Variants in PHF12 observed in about 807,000 individuals in gnomAD.
The protein encoded by PHF12 is PHD finger protein 12.
PHF12 carries 6 observed loss-of-function variants against 99.8 expected under a neutral mutation model. The ratio of observed to expected loss-of-function variants is 0.06; its 90% CI spans 0.03 to 0.12. The LOEUF is 0.12. Among genes scored for constraint, PHF12 ranks in the 10% least tolerant of loss-of-function variants. The probability of loss-of-function intolerance (pLI) is 1.00; values close to 1 mark genes in which losing one functional copy is unlikely to be tolerated. For missense variants in PHF12, 954 were observed against 1,300.1 expected, an observed-to-expected ratio of 0.73 and a Z score of 4.09; for synonymous variants, 480 against 514.9, an observed-to-expected ratio of 0.93 and a Z score of 0.92.
chr17:28,918,934 C>T (rs1270129429), intron 6 of PHF12, among the ~76,000 whole-genome samples: 2 of 152,196 alleles, frequency 1.3e-5, no homozygotes, highest in African/African-American at 4.8e-5. Context: ...TGAGTTAAGT[C>T]TGTATGGGCA....
In PHF12 at chr17:28,950,773, T is replaced by G; in HGVS notation, c.66+122A>C. The G allele has an allele frequency of 3.6e-6, 5 of 1,393,892 alleles. No individual in the cohort carries two copies. The highest frequency in any genetic ancestry group is 2.6e-5 in the East Asian group (1 of 38,784). The allele number at this position is 1,393,892 out of a possible 1,614,324, so 86.3% of individuals were successfully genotyped here. Reference sequence around the variant, plus strand: ...GCAAAGAGGGGAGGGAGAGGCTAGGTGAGGAAGAATCCCCCTCCCTCGGCC... The same window carrying G: ...GCAAAGAGGGGAGGGAGAGGCTAGGGGAGGAAGAATCCCCCTCCCTCGGCC... On this transcript the variant is annotated intron_variant, in intron 1 of 14. Transcript: ENST00000332830. This position sits in a 1 kb window ranked among gnomAD's most constrained non-coding sequence, Gnocchi z 5.7.
In PHF12 at chr17:28,949,903, C is replaced by T; in HGVS notation, c.248+162G>A. 1 of 795,208 alleles carries T rather than the reference C, an allele frequency of 1.3e-6. No individual in the cohort carries two copies. The allele number at this position is 795,208 out of a possible 1,614,324, so 49.3% of individuals were successfully genotyped here. A position where few individuals can be genotyped will look rare whatever the true frequency, so the allele number is the denominator to read the frequency against. The stretch of plus-strand genomic sequence containing the variant: ...CTCCTCCCCGCTAAACTGCCAGAAC[C>T]CGGCGGACACCTGGGGGCGGGGAGG... On this transcript the variant is annotated intron_variant, in intron 2 of 14. Transcript: ENST00000332830. This position sits in a 1 kb window ranked among gnomAD's most constrained non-coding sequence, Gnocchi z 4.6.
At chr17:28,910,906 A>T in intron 10 of PHF12, 1 of 622,268 alleles carries the variant, frequency 1.6e-6, no homozygotes, top group Non-Finnish European at 2.7e-6. Flanking sequence ...TTATGTGTAT[A>T]TGCACATGTA....
intron 11 of PHF12, 41 bp downstream of exon 11, chr17:28,910,185 G>A: frequency 2.5e-6 from 4 of 1,613,918 alleles, no homozygotes; most frequent in Non-Finnish European, 3.4e-6. Flanking sequence ...ACACGTAGAG[G>A]GGAGATCTGA....
chr17:28,906,468 G>C lies in PHF12; in HGVS notation c.2730C>G (p.Ala910=). 1.2e-6 allele frequency: 2 copies of C among 1,613,248 alleles called. No homozygotes were observed. Among genetic ancestry groups the C allele is most frequent in the South Asian group, 1.1e-5 (1 of 91,044 alleles). The part of the protein sequence containing the change: ...KQDEEPSEEA[A]MMSSQAQGPQ... The stretch of plus-strand genomic sequence containing the variant: ...GCCCCTGGGCCTGGGAACTCATCAT[G>C]GCTGCCTCCTCACTTGGCTCTTCGT... The change falls in exon 15 of 15, where the codon GCC becomes GCG. Residue 910 remains alanine, a synonymous_variant. Transcript: ENST00000332830. This position sits in a 1 kb window ranked among gnomAD's most constrained non-coding sequence, Gnocchi z 4.2.
chr17:28,910,260 T>C lies in PHF12; in HGVS notation c.2325A>G (p.Thr775=), dbSNP rs141830757. 1 of 1,614,088 alleles carries C rather than the reference T, an allele frequency of 6.2e-7. No individual in the cohort carries two copies. The highest frequency in any genetic ancestry group is 1.3e-5 in the African/African-American group (1 of 74,932). ...RVQPSPGSVG[T]HQLASGGHHI... is the part of the protein sequence containing the mutation. Reference sequence around the variant, plus strand: ...GGTGCCCTCCAGAAGCCAGCTGATGTGTCCCGACACTGCCCGGTGAAGGTT... The same window carrying C: ...GGTGCCCTCCAGAAGCCAGCTGATGCGTCCCGACACTGCCCGGTGAAGGTT... Residue 775 remains threonine (T), a synonymous_variant, in exon 11 of 15, where the codon ACA becomes ACG. Coordinates refer to ENST00000332830, the MANE Select transcript of PHF12 (RefSeq NM_001033561.2).
chr17:28,930,865 G>A (rs2040386443), intron 2 of PHF12, among the ~76,000 whole-genome samples: 1 of 152,110 alleles, frequency 6.6e-6, no homozygotes. Context: ...GAGCCCAGGA[G>A]TTCAAGACCA....
intron 2 of PHF12, among the ~76,000 whole-genome samples, chr17:28,940,644 G>C (rs774805707): frequency 6.6e-6 from 1 of 152,152 alleles, no homozygotes; most frequent in Non-Finnish European, 1.5e-5. Flanking sequence ...TTAGGTTTAG[G>C]AATAACCTTA....
intron 2 of PHF12, chr17:28,928,269 A>G (rs2040322487): frequency 6.6e-6 from 1 of 152,350 alleles, no homozygotes. Context: ...CACCCAGCAG[A>G]GCCCAGGCAA....
intron 6 of PHF12, among the ~76,000 whole-genome samples, 153 bp downstream of exon 6, chr17:28,918,990 A>G (rs1002445733): frequency 1.3e-5 from 2 of 152,264 alleles, no homozygotes; most frequent in African/African-American, 4.8e-5. Context: ...AAATATGTCA[A>G]AATGATCAGA....
chr17:28,907,206 T>C, intron 13 of PHF12: 1 of 560,704 alleles, frequency 1.8e-6, no homozygotes, highest in South Asian at 2.5e-5. Flanking sequence ...ACTCTCCCAC[T>C]CCTTCACTCT....
chr17:28,921,550 T>G, intron 5 of PHF12, 138 bp downstream of exon 5: 1 of 1,106,218 alleles, frequency 9.0e-7, no homozygotes, highest in Non-Finnish European at 1.3e-6. Context: ...CGTCAGTCCA[T>G]TAGTTAGTCT....
chr17:28,947,234 G>A (rs2040736550), intron 2 of PHF12, among the ~76,000 whole-genome samples: 1 of 152,050 alleles, frequency 6.6e-6, no homozygotes, highest in Non-Finnish European at 1.5e-5. Flanking sequence ...ACCCTCCTCG[G>A]CCTCCCAAAG....
intron 2 of PHF12, chr17:28,928,103 T>A (rs2040318704): frequency 6.6e-6 from 1 of 152,144 alleles, no homozygotes; most frequent in African/African-American, 2.4e-5. Flanking sequence ...AGAGTGAAAC[T>A]CCATCTTGAG....
At position 28,906,210 on chromosome 17, in the gene PHF12, A is replaced by AGGGCCCTGGT; in HGVS notation, c.2978_2987dup (p.Val997ProfsTer57). The stretch of plus-strand genomic sequence containing the variant: ...AAGGAACAGAGTTGGAGCGCAGCAC[A>AGGGCCCTGGT]GGGCCCTGGTGGGGCTTGAGAGAGA... On this transcript the variant is annotated frameshift_variant, in exon 15 of 15. Transcript: ENST00000332830. LOFTEE classifies it high-confidence loss of function. The surrounding 1 kb of genome is among the most constrained non-coding windows in gnomAD (Gnocchi z 4.2). The AGGGCCCTGGT allele has an allele frequency of 6.2e-7, 1 of 1,606,454 alleles. No homozygotes were observed. The highest frequency in any genetic ancestry group is 8.5e-7 in the Non-Finnish European group (1 of 1,174,456).
rs35263191 is a variant in PHF12 at position 28,923,653 on chromosome 17, CA to C, written c.715+255del. 2.9e-3 allele frequency among the ~76,000 whole-genome samples: 126 copies of C among 43,480 alleles called. 1 individual carries two copies. Among genetic ancestry groups the C allele is most frequent in the East Asian group, 3.4e-3 (4 of 1,190 alleles). 28.5% of individuals were successfully genotyped at this position (43,480 alleles called of 152,430 possible). A position where few individuals can be genotyped will look rare whatever the true frequency, so the allele number is the denominator to read the frequency against. On this transcript the variant is annotated intron_variant, in intron 4 of 14. Coordinates refer to ENST00000332830, the MANE Select transcript of PHF12 (RefSeq NM_001033561.2). ...AGCCTGAGTGACAAAGTGAGACTCA[CA>C]AAAAAAAAAAAAAAAAAAAAAGGAA...
At chr17:28,942,894 G>A (rs2040645552) in intron 2 of PHF12, among the ~76,000 whole-genome samples, 1 of 151,716 alleles carries the variant, frequency 6.6e-6, no homozygotes, top group Admixed American at 6.6e-5. Flanking sequence ...CCACAAAATG[G>A]AAGAATACTT....
intron 2 of PHF12, among the ~76,000 whole-genome samples, chr17:28,946,237 C>G (rs2040720961): frequency 6.6e-6 from 1 of 152,186 alleles, no homozygotes. Flanking sequence ...ACCAGTTAAA[C>G]TTGGATAAAA....
chr17:28,918,010 T>C (rs1388123699), intron 6 of PHF12, among the ~76,000 whole-genome samples: 4 of 152,184 alleles, frequency 2.6e-5, no homozygotes, highest in African/African-American at 9.7e-5. Context: ...CTTCCTCTAC[T>C]GGAAGGGAAA....
Sources: gnomAD v4.1 joint callset for allele counts (sites outside exome capture counted in the v4.1 genomes callset) on GRCh38, gnomAD v4.1.1 for gene constraint, Gnocchi (gnomAD v3.1) non-coding constraint, MANE v1.5 for transcripts, NCBI Gene and HGNC (gene_info 2026-07-23, HGNC 2026-07-21) for gene names.